Variants in CAST observed in about 807,000 individuals in gnomAD.
CAST encodes calpastatin, also known as MIR583 host.
CAST carries 76 observed loss-of-function variants against 119.6 expected under a neutral mutation model. The observed-to-expected ratio is 0.64, with a 90% CI of 0.53 to 0.77. The LOEUF (loss-of-function observed/expected upper bound fraction) is 0.77. Ranked by LOEUF, CAST falls within the 30% of genes least tolerant of loss-of-function variation. The probability of loss-of-function intolerance (pLI) is 0.00; values close to 1 mark genes in which losing one functional copy is unlikely to be tolerated. For synonymous variants in CAST, 319 were observed against 331.6 expected, an observed-to-expected ratio of 0.96 and a Z score of 0.41; for missense variants, 953 against 946.5, an observed-to-expected ratio of 1.01 and a Z score of -0.09.
intron 1 of CAST, among the ~76,000 whole-genome samples, chr5:96,617,719 G>A (rs955937371): frequency 2.1e-5 from 3 of 145,428 alleles, no homozygotes; most frequent in Non-Finnish European, 3.0e-5. Flanking sequence ...GTGAACCCGG[G>A]AGGCGGAGCT....
chr5:96,612,837 CAAG>C (rs1258501293), intron 1 of CAST, among the ~76,000 whole-genome samples: 34 of 152,200 alleles, frequency 2.2e-4, no homozygotes, highest in Admixed American at 6.5e-5. Context: ...ATGATATAAA[CAAG>C]AAGTCTAAAT....
the CAST span, among the ~76,000 whole-genome samples, chr5:96,110,359 CAAT>C: frequency 6.6e-6 from 1 of 152,088 alleles, no homozygotes; most frequent in Non-Finnish European, 1.5e-5. Flanking sequence ...CAAAATCAAT[CAAT>C]AAAGATAATC....
the CAST span, among the ~76,000 whole-genome samples, chr5:96,034,306 C>G: frequency 6.6e-6 from 1 of 151,848 alleles, no homozygotes; most frequent in Admixed American, 6.6e-5. Context: ...GAAAAGATAA[C>G]TAGTGTTGAT....
At chr5:96,650,230 A>T (rs969912663) in intron 1 of CAST, among the ~76,000 whole-genome samples, 2 of 152,182 alleles carry the variant, frequency 1.3e-5, no homozygotes, top group South Asian at 2.1e-4. Context: ...AGTACGAGGG[A>T]TGAGGGTCAC....
At chr5:96,615,218 A>T (rs1055292104) in intron 1 of CAST, among the ~76,000 whole-genome samples, 1 of 152,238 alleles carries the variant, frequency 6.6e-6, no homozygotes, top group Admixed American at 6.5e-5. Flanking sequence ...AAGGTAAGCT[A>T]GGCTAAACTA....
the CAST span, chr5:96,412,517 A>G: frequency 4.4e-6 from 7 of 1,603,902 alleles, no homozygotes; most frequent in South Asian, 5.5e-5. Flanking sequence ...ACAAAGACAC[A>G]CAAAGGTTGA....
the CAST span, among the ~76,000 whole-genome samples, chr5:96,290,062 T>C: frequency 7.2e-5 from 11 of 152,238 alleles, no homozygotes; most frequent in Non-Finnish European, 1.6e-4. Context: ...GTTTAATTTT[T>C]ATCAGAATAC....
chr5:96,701,759 C>T (rs1453485253), intron 3 of CAST, among the ~76,000 whole-genome samples: 1 of 150,046 alleles, frequency 6.7e-6, no homozygotes, highest in Non-Finnish European at 1.5e-5. Context: ...GAGCTGAGAT[C>T]ACGTGACTGC....
upstream of CAST, among the ~76,000 whole-genome samples, chr5:96,521,254 T>C (rs1745512028): frequency 6.6e-6 from 1 of 152,188 alleles, no homozygotes; most frequent in Non-Finnish European, 1.5e-5. Context: ...CTCTGCTGCT[T>C]AAAACCCTTC....
intron 1 of CAST, among the ~76,000 whole-genome samples, chr5:96,563,266 T>C (rs914513758): frequency 1.5e-4 from 23 of 152,194 alleles, no homozygotes; most frequent in African/African-American, 7.2e-5. Flanking sequence ...GGCTCCAATG[T>C]CACATGAAGC....
the CAST span, among the ~76,000 whole-genome samples, chr5:96,210,854 C>T: frequency 5.9e-5 from 9 of 151,760 alleles, no homozygotes; most frequent in Admixed American, 2.6e-4. Flanking sequence ...TTTCCTTCAT[C>T]GGCATTTTGT....
the CAST span, among the ~76,000 whole-genome samples, chr5:96,283,002 C>T: frequency 1.3e-5 from 2 of 150,284 alleles, no homozygotes; most frequent in Non-Finnish European, 3.0e-5. Flanking sequence ...TGATGGCGGG[C>T]GCCTGTAGTC....
At chr5:96,254,582 T>A in the CAST span, among the ~76,000 whole-genome samples, 10 of 152,154 alleles carry the variant, frequency 6.6e-5, no homozygotes, top group African/African-American at 2.2e-4. Context: ...AAAAAGTGGT[T>A]CCTATATTCA....
intron 1 of CAST, among the ~76,000 whole-genome samples, chr5:96,624,954 C>T (rs767863308): frequency 1.3e-5 from 2 of 152,188 alleles, no homozygotes; most frequent in Non-Finnish European, 2.9e-5. Flanking sequence ...GTGTCCTTGG[C>T]ATTGTTGCTA....
intron 1 of CAST, among the ~76,000 whole-genome samples, chr5:96,639,011 C>T (rs949095115): frequency 2.0e-5 from 3 of 152,212 alleles, no homozygotes; most frequent in Admixed American, 6.5e-5. Flanking sequence ...CCTATCTTCT[C>T]GGGATCTTTT....
the CAST span, among the ~76,000 whole-genome samples, chr5:96,019,501 A>G: frequency 6.6e-6 from 1 of 152,166 alleles, no homozygotes; most frequent in East Asian, 1.9e-4. Flanking sequence ...CCACTCAACC[A>G]ATCTAGATCA....
chr5:96,141,893 T>C, the CAST span, among the ~76,000 whole-genome samples: 5 of 152,298 alleles, frequency 3.3e-5, no homozygotes, highest in African/African-American at 1.2e-4. Flanking sequence ...GCCGAGTATT[T>C]GACATTGGCA....
chr5:96,375,106 G>C, the CAST span, among the ~76,000 whole-genome samples: 263 of 152,240 alleles, frequency 1.7e-3, 1 homozygote, highest in African/African-American at 6.1e-3. Flanking sequence ...GTCTTAACCT[G>C]AATAATGGAG....
chr5:96,355,097 TG>T, the CAST span, among the ~76,000 whole-genome samples: 1 of 152,088 alleles, frequency 6.6e-6, no homozygotes, highest in South Asian at 2.1e-4. Flanking sequence ...TGTGCCATGG[TG>T]GTTTGCTGCA....
Sources: gnomAD v4.1 joint callset for allele counts (sites outside exome capture counted in the v4.1 genomes callset) on GRCh38, gnomAD v4.1.1 for gene constraint, MANE v1.5 for transcripts, NCBI Gene and HGNC (gene_info 2026-07-23, HGNC 2026-07-21) for gene names.